Variants in WASF2 observed in about 807,000 individuals in gnomAD.
WASF2 encodes WASP family member 2.
In WASF2, 14 loss-of-function variants were observed where a neutral mutation model predicts 45.0. The observed-to-expected ratio is 0.31, with a 90% CI of 0.21 to 0.49. The LOEUF (loss-of-function observed/expected upper bound fraction) is 0.49. WASF2 is among the 20% of genes least tolerant of loss of function. The probability of loss-of-function intolerance (pLI) is 0.99; values close to 1 mark genes in which losing one functional copy is unlikely to be tolerated. For missense variants in WASF2, 439 were observed against 636.1 expected, an observed-to-expected ratio of 0.69 and a Z score of 3.33; for synonymous variants, 200 against 236.3, an observed-to-expected ratio of 0.85 and a Z score of 1.41.
intron 1 of WASF2, among the ~76,000 whole-genome samples, chr1:27,481,678 C>T (rs1484583905): frequency 2.0e-5 from 3 of 151,616 alleles, no homozygotes; most frequent in Non-Finnish European, 4.4e-5. Context: ...CCAACATCAT[C>T]GGGCCATTGC....
At chr1:27,488,031 T>C (rs909329181) in intron 1 of WASF2, among the ~76,000 whole-genome samples, 1 of 152,004 alleles carries the variant, frequency 6.6e-6, no homozygotes, top group African/African-American at 2.4e-5. Context: ...TAAAGATATC[T>C]GAACAGGAAA....
At chr1:27,428,698 G>C (rs946853276) in intron 2 of WASF2, 63 bp downstream of exon 2, 6 of 1,610,684 alleles carry the variant, frequency 3.7e-6, no homozygotes, top group Non-Finnish European at 5.1e-6. Context: ...GGAGGAGAAG[G>C]AAACTAAATA....
chr1:27,447,457 T>C (rs1234486436), intron 1 of WASF2, among the ~76,000 whole-genome samples: 1 of 152,210 alleles, frequency 6.6e-6, no homozygotes, highest in African/African-American at 2.4e-5. Flanking sequence ...GCAAAACAAA[T>C]TAATGAAATG....
At position 27,416,060 on chromosome 1, in the gene WASF2, T is replaced by A; in HGVS notation, c.462A>T (p.Ser154=). 6.2e-7 allele frequency: 1 copy of A among 1,614,122 alleles called. No individual in the cohort carries two copies. The highest frequency in any genetic ancestry group is 8.5e-7 in the Non-Finnish European group (1 of 1,179,992). ...KEALKFYTDP[S]YFFDLWKEKM... is the part of the protein sequence containing the mutation. ...TCTCCTTCCAAAGATCAAAGAAGTA[T>A]GAAGGGTCTGTGTAGAATTTGAGTG... is the stretch of plus-strand genomic sequence containing the variant. Residue 154 remains serine (S), a synonymous_variant, in exon 5 of 9, where the codon TCA becomes TCT. Transcript: ENST00000618852.
intron 8 of WASF2, 128 bp downstream of exon 8, chr1:27,409,564 T>C: frequency 7.8e-7 from 1 of 1,281,090 alleles, no homozygotes; most frequent in Non-Finnish European, 1.0e-6. Context: ...AATGTCCCAA[T>C]CTCTCCCCAC....
intron 1 of WASF2, among the ~76,000 whole-genome samples, chr1:27,447,338 TATC>T (rs2017324158): frequency 6.6e-6 from 1 of 152,182 alleles, no homozygotes; most frequent in South Asian, 2.1e-4. Flanking sequence ...TACTAAGACA[TATC>T]ATGTGTTTTC....
At chr1:27,412,811 T>C in intron 6 of WASF2, 84 bp from the exon 7 acceptor site, 1 of 1,522,792 alleles carries the variant, frequency 6.6e-7, no homozygotes, top group Non-Finnish European at 9.1e-7. Context: ...CAAAAATGCA[T>C]TTGATACAAA....
In WASF2 at chr1:27,454,170, TA is replaced by T. The variant is rs1557612279; in HGVS notation, c.-43-25238del. Among the ~76,000 whole-genome samples, 7 of 52,958 alleles carry T rather than the reference TA, an allele frequency of 1.3e-4. No individual in the cohort carries two copies. In the East Asian group the frequency reaches 5.3e-3, roughly 40 times the overall value. 34.7% of individuals were successfully genotyped at this position (52,958 alleles called of 152,430 possible). On this transcript the variant is annotated intron_variant, in intron 1 of 8. Transcript: ENST00000618852. ...GTGTGTGTGTATATATATATATATA[TA>T]TATATATATATATATATTTTTTTTT...
chr1:27,431,391 C>T (rs571680788), intron 1 of WASF2, among the ~76,000 whole-genome samples: 1 of 152,206 alleles, frequency 6.6e-6, no homozygotes, highest in South Asian at 2.1e-4. Context: ...GAGTTTAGAA[C>T]AGGAAAGGTG....
At chr1:27,417,092 G>C (rs2016837511) in intron 4 of WASF2, among the ~76,000 whole-genome samples, 1 of 152,136 alleles carries the variant, frequency 6.6e-6, no homozygotes, top group Non-Finnish European at 1.5e-5. Context: ...GCCAAGTTCA[G>C]ATAACTGAGA....
chr1:27,411,852 G>A (rs2016765197), intron 7 of WASF2, among the ~76,000 whole-genome samples: 2 of 152,188 alleles, frequency 1.3e-5, no homozygotes, highest in African/African-American at 4.8e-5. Context: ...GACAGAGTGA[G>A]ACTCCGTCTC....
intron 1 of WASF2, among the ~76,000 whole-genome samples, chr1:27,474,907 G>A (rs1207906124): frequency 5.3e-5 from 8 of 152,050 alleles, no homozygotes; most frequent in East Asian, 1.9e-4. Context: ...AGCCATGATC[G>A]CACCACTGCA....
At chr1:27,442,689 T>C (rs1431986938) in intron 1 of WASF2, among the ~76,000 whole-genome samples, 3 of 151,330 alleles carry the variant, frequency 2.0e-5, no homozygotes, top group East Asian at 3.9e-4. Context: ...ATAAACCTCA[T>C]TTCTATGAAA....
Position 27,472,429 on chromosome 1 carries a change from T to C in WASF2, c.-44+17557A>G, listed in dbSNP as rs146901198. Among the ~76,000 whole-genome samples the C allele has an allele frequency of 0.036, 5,322 of 148,710 alleles. 556 individuals are homozygous for C. In the East Asian group the frequency reaches 0.36, roughly 10 times the overall value. On this transcript the variant is annotated intron_variant, in intron 1 of 8. Transcript: ENST00000618852. The stretch of plus-strand genomic sequence containing the variant: ...CAGGTGGATCACTTGAGCTCAGGAG[T>C]TCAGGACCAGCCTGGGCAACATGGT...
At chr1:27,454,231 G>A (rs1236489116) in intron 1 of WASF2, among the ~76,000 whole-genome samples, 2 of 99,200 alleles carry the variant, frequency 2.0e-5, no homozygotes, top group South Asian at 6.9e-4. Context: ...GTCTTACTTT[G>A]TTGTCCAGAC....
intron 3 of WASF2, 23 bp from the exon 4 acceptor site, chr1:27,418,445 A>G: frequency 6.2e-7 from 1 of 1,614,206 alleles, no homozygotes; most frequent in African/African-American, 1.3e-5. Flanking sequence ...GGAAGGCGTT[A>G]GAAAATGGAC....
intron 1 of WASF2, among the ~76,000 whole-genome samples, chr1:27,479,592 C>T (rs1210011583): frequency 1.3e-5 from 2 of 152,034 alleles, no homozygotes; most frequent in African/African-American, 2.4e-5. Context: ...TGGCCTGGCA[C>T]GGTGGCTCAC....
Position 27,407,963 on chromosome 1 carries a change from A to C in WASF2, c.*226T>G, listed in dbSNP as rs780717158. The C allele has an allele frequency of 2.1e-6, 1 of 471,856 alleles. No homozygotes were observed. The highest frequency in any genetic ancestry group is 3.6e-5 in the South Asian group (1 of 27,674). The allele number at this position is 471,856 out of a possible 1,614,324, so 29.2% of individuals were successfully genotyped here. The stretch of plus-strand genomic sequence containing the variant: ...ACTTGAAGGAAAGAGGGAACATCCC[A>C]GCTACTGAACCTCAGGAGCCCCACA... On this transcript the variant is annotated 3_prime_UTR_variant, in exon 9 of 9. Coordinates refer to ENST00000618852, the MANE Select transcript of WASF2 (RefSeq NM_006990.5).
chr1:27,479,344 C>A (rs2017814988), intron 1 of WASF2, among the ~76,000 whole-genome samples: 1 of 151,980 alleles, frequency 6.6e-6, no homozygotes, highest in Non-Finnish European at 1.5e-5. Flanking sequence ...TTGGCAGCAC[C>A]TTCGAGGCTA....
Sources: gnomAD v4.1 joint callset for allele counts (sites outside exome capture counted in the v4.1 genomes callset) on GRCh38, gnomAD v4.1.1 for gene constraint, MANE v1.5 for transcripts, NCBI Gene and HGNC (gene_info 2026-07-23, HGNC 2026-07-21) for gene names.